Variants in BRD4 observed in about 807,000 individuals in gnomAD.
BRD4 encodes bromodomain containing 4.
A neutral mutation model predicts 142.1 loss-of-function variants in BRD4; 16 were observed. That is an observed-to-expected ratio of 0.11 (90% CI 0.08 to 0.17). The LOEUF (loss-of-function observed/expected upper bound fraction) is 0.17, where lower values mean the gene tolerates loss of function less well. BRD4 is among the 10% of genes least tolerant of loss of function. The pLI is 1.00. For synonymous variants in BRD4, 833 were observed against 707.5 expected, an observed-to-expected ratio of 1.18 and a Z score of -2.82; for missense variants, 1,424 against 1,810.9, an observed-to-expected ratio of 0.79 and a Z score of 3.88.
chr19:15,292,162 C>T (rs1168677977), intron 1 of BRD4, among the ~76,000 whole-genome samples: 1 of 152,198 alleles, frequency 6.6e-6, no homozygotes, highest in Admixed American at 6.5e-5. Flanking sequence ...AGGAGACCCC[C>T]TAGTTATCAC....
intron 1 of BRD4, among the ~76,000 whole-genome samples, chr19:15,289,538 C>T (rs527871696): frequency 1.7e-4 from 26 of 151,828 alleles, no homozygotes; most frequent in East Asian, 1.6e-3. Flanking sequence ...GCAACAAGAG[C>T]GAAACTCCAT....
chr19:15,269,068 G>A (rs2047561224), intron 2 of BRD4, 26 bp from the exon 3 acceptor site: 1 of 1,612,820 alleles, frequency 6.2e-7, no homozygotes, highest in South Asian at 1.1e-5. Flanking sequence ...CAAAAGTCCA[G>A]TGTCACCTAG....
rs143293351 is a variant in BRD4 at position 15,317,497 on chromosome 19, T to A, written c.-35+14793A>T. 3.6e-4 allele frequency among the ~76,000 whole-genome samples: 55 copies of A among 152,272 alleles called. No homozygotes were observed. The East Asian group carries it at 9.6e-3, about 27-fold the overall frequency. Reference sequence around the variant, plus strand: ...AAGCATCCAGTCAGAAAATGTAGTTTTATACTTTACAGGGAAGCCTATTCA... The same window carrying A: ...AAGCATCCAGTCAGAAAATGTAGTTATATACTTTACAGGGAAGCCTATTCA... On this transcript the variant is annotated intron_variant, in intron 1 of 19. Coordinates refer to ENST00000679869, the MANE Select transcript of BRD4 (RefSeq NM_001379291.1).
intron 1 of BRD4, among the ~76,000 whole-genome samples, chr19:15,331,233 G>A (rs2048154677): frequency 6.6e-6 from 1 of 152,182 alleles, no homozygotes. Context: ...TCATGCACCG[G>A]CCTGAACTAA....
At chr19:15,256,387 AG>A in intron 8 of BRD4, 124 bp from the exon 9 acceptor site, 1 of 1,194,832 alleles carries the variant, frequency 8.4e-7, no homozygotes. Context: ...GTGTGGGCAT[AG>A]GGGAGGCAGG....
chr19:15,312,322 A>AC (rs2047978370), intron 1 of BRD4, among the ~76,000 whole-genome samples: 1 of 151,996 alleles, frequency 6.6e-6, no homozygotes, highest in Non-Finnish European at 1.5e-5. Flanking sequence ...ATGTGGTGAG[A>AC]CCCCATCTCT....
chr19:15,241,334 G>A (rs973057442), intron 14 of BRD4, among the ~76,000 whole-genome samples: 38 of 152,236 alleles, frequency 2.5e-4, no homozygotes, highest in African/African-American at 8.9e-4. Flanking sequence ...CCTGGGCAAC[G>A]GTAGGCTCCA....
At chr19:15,305,287 C>A (rs555323365) in intron 1 of BRD4, among the ~76,000 whole-genome samples, 1 of 152,284 alleles carries the variant, frequency 6.6e-6, no homozygotes, top group Non-Finnish European at 1.5e-5. Context: ...AGGTGATCCA[C>A]CTGCCTTGGC....
At chr19:15,292,415 G>A (rs1473866583) in intron 1 of BRD4, among the ~76,000 whole-genome samples, 3 of 152,178 alleles carry the variant, frequency 2.0e-5, no homozygotes, top group Non-Finnish European at 4.4e-5. Context: ...ACCACACAAT[G>A]GACTACGGGG....
In BRD4 at chr19:15,243,298, G is replaced by A. The variant is rs1394568851; in HGVS notation, c.2771C>T (p.Thr924Ile). The stretch of plus-strand genomic sequence containing the variant: ...CAGGTACAGCTGCATCTGCATGGAG[G>A]TGAGGGGTGGGGCAGGTGGCTCTTC... ...EDEEPPAPPL[T>I]SMQMQLYLQQ... is the part of the protein sequence containing the mutation. The change falls in exon 14 of 20, where the codon ACC becomes ATC. Residue 924 changes from threonine to isoleucine, a missense_variant. Thr to Ile is a moderately conservative substitution (Grantham distance 89). This residue lies in a region of BRD4 where 598 missense variants were observed against 647.8 expected (regional missense o/e 0.92). Coordinates refer to ENST00000679869, the MANE Select transcript of BRD4 (RefSeq NM_001379291.1). 2.0e-6 allele frequency: 3 copies of A among 1,496,900 alleles called. No homozygotes were observed. Among genetic ancestry groups the A allele is most frequent in the Middle Eastern group, 2.0e-4 (1 of 5,086 alleles). 92.7% of individuals were successfully genotyped at this position (1,496,900 alleles called of 1,614,324 possible).
chr19:15,310,364 C>T (rs867112111), intron 1 of BRD4, among the ~76,000 whole-genome samples: 1 of 25,220 alleles, frequency 4.0e-5, no homozygotes, highest in East Asian at 2.2e-3. Flanking sequence ...GGATTCCCCC[C>T]CCCCCCCCCC....
At chr19:15,290,643 G>C (rs747182523) in intron 1 of BRD4, among the ~76,000 whole-genome samples, 11 of 152,142 alleles carry the variant, frequency 7.2e-5, no homozygotes, top group Non-Finnish European at 1.6e-4. Context: ...AGATGCTCTA[G>C]GCAAACAGCT....
rs1296632409 is a variant in BRD4 at position 15,304,431 on chromosome 19, TTTC to T, written c.-35+27856_-35+27858del. Among the ~76,000 whole-genome samples the T allele has an allele frequency of 2.0e-5, 3 of 152,316 alleles. No homozygotes were observed. In the East Asian group the frequency reaches 5.8e-4, roughly 29 times the overall value. ...AAACAGTTAAAACACATTTTTATGC[TTTC>T]ATTTCTATAATAAATGCATCAGATA... On this transcript the variant is annotated intron_variant, in intron 1 of 19. Transcript: ENST00000679869.
At position 15,331,621 on chromosome 19, in the gene BRD4, G is replaced by A. The variant is rs1007488961; in HGVS notation, c.-35+669C>T. ...CAGCCGCAGCCACCTCCCTCCGCAG[G>A]GGACCTGCCCCTTTCTCCGCAGCAC... On this transcript the variant is annotated intron_variant, in intron 1 of 19. Transcript: ENST00000679869. Among the ~76,000 whole-genome samples the A allele has an allele frequency of 2.6e-5, 4 of 152,272 alleles. No homozygotes were observed. The East Asian group carries it at 7.7e-4, about 29-fold the overall frequency.
intron 8 of BRD4, among the ~76,000 whole-genome samples, chr19:15,256,599 C>T (rs2047411640): frequency 1.3e-5 from 2 of 152,242 alleles, no homozygotes; most frequent in Middle Eastern, 3.4e-3. Flanking sequence ...CACACGGACA[C>T]GTCAGGCACG....
intron 1 of BRD4, among the ~76,000 whole-genome samples, chr19:15,295,360 G>A (rs1256313724): frequency 6.6e-6 from 1 of 152,166 alleles, no homozygotes; most frequent in African/African-American, 2.4e-5. Flanking sequence ...TTTCTCTGCC[G>A]GGAATACCTT....
intron 11 of BRD4, among the ~76,000 whole-genome samples, chr19:15,249,584 A>AG (rs2047322948): frequency 6.6e-6 from 1 of 152,134 alleles, no homozygotes; most frequent in African/African-American, 2.4e-5. Context: ...AGCAAGCTCC[A>AG]CGTGTGCCCT....
intron 1 of BRD4, among the ~76,000 whole-genome samples, chr19:15,328,652 A>T (rs1018215440): frequency 6.6e-6 from 1 of 152,210 alleles, no homozygotes; most frequent in Non-Finnish European, 1.5e-5. Flanking sequence ...ATTCTTGCTC[A>T]ATTACTTCTC....
chr19:15,289,902 C>CT (rs1195982878), intron 1 of BRD4, among the ~76,000 whole-genome samples: 1 of 152,200 alleles, frequency 6.6e-6, no homozygotes, highest in Non-Finnish European at 1.5e-5. Flanking sequence ...TCACAGGGTG[C>CT]TACAGGGCTC....
Sources: gnomAD v4.1 joint callset for allele counts (sites outside exome capture counted in the v4.1 genomes callset) on GRCh38, gnomAD v4.1.1 for gene constraint, gnomAD v4.1.1 regional missense constraint, MANE v1.5 for transcripts, NCBI Gene and HGNC (gene_info 2026-07-23, HGNC 2026-07-21) for gene names.